Variants in NDST3 observed in about 807,000 individuals in gnomAD.
The protein encoded by NDST3 is bifunctional heparan sulfate N-deacetylase/N-sulfotransferase 3.
Under a neutral mutation model 96.1 loss-of-function variants are expected in NDST3, and 58 were observed. The observed-to-expected ratio is 0.60, with a 90% CI of 0.49 to 0.75. The LOEUF is 0.75. NDST3 is among the 30% of genes least tolerant of loss of function. The pLI is 0.00. For missense variants in NDST3, 788 were observed against 1,034.2 expected, an observed-to-expected ratio of 0.76 and a Z score of 3.27; for synonymous variants, 333 against 359.7, an observed-to-expected ratio of 0.93 and a Z score of 0.84.
At chr4:118,100,940 T>A (rs1177377621) in intron 2 of NDST3, among the ~76,000 whole-genome samples, 1 of 152,188 alleles carries the variant, frequency 6.6e-6, no homozygotes, top group Non-Finnish European at 1.5e-5. Flanking sequence ...GCTGCTTAAT[T>A]GATTTCATTT....
chr4:118,136,044 C>T (rs942889709), intron 4 of NDST3, among the ~76,000 whole-genome samples: 4 of 152,314 alleles, frequency 2.6e-5, no homozygotes, highest in African/African-American at 9.6e-5. Context: ...GTTCTGAAGA[C>T]ACAGCTGACT....
rs1737814877 is a variant in NDST3 at position 118,198,042 on chromosome 4, C to A, written c.1540-26449C>A. ...CTTGATCTCTTGACCAAGTGATATG[C>A]CCACCTCAGCCTCCCAAAGTGCTGG... On this transcript the variant is annotated intron_variant, in intron 6 of 13. Transcript: ENST00000296499. Among the ~76,000 whole-genome samples, 3 of 152,008 alleles carry A rather than the reference C, an allele frequency of 2.0e-5. No individual in the cohort carries two copies. In the South Asian group the frequency reaches 6.2e-4, roughly 32 times the overall value.
intron 4 of NDST3, among the ~76,000 whole-genome samples, chr4:118,132,946 G>A (rs1407891637): frequency 1.3e-5 from 2 of 152,140 alleles, no homozygotes; most frequent in African/African-American, 2.4e-5. Context: ...GCAAGACAAC[G>A]TCCTCTTTAC....
intron 9 of NDST3, among the ~76,000 whole-genome samples, chr4:118,233,677 T>C (rs920106341): frequency 6.6e-6 from 1 of 152,106 alleles, no homozygotes; most frequent in Non-Finnish European, 1.5e-5. Flanking sequence ...ATATCAACCA[T>C]CTGAACAAAC....
chr4:118,127,371 T>C (rs994298315), intron 4 of NDST3, among the ~76,000 whole-genome samples: 9 of 152,086 alleles, frequency 5.9e-5, no homozygotes, highest in Non-Finnish European at 1.2e-4. Context: ...TTTTTGTATA[T>C]GGTGATAGAC....
intron 12 of NDST3, among the ~76,000 whole-genome samples, chr4:118,251,909 T>C (rs532306562): frequency 6.6e-6 from 1 of 152,326 alleles, no homozygotes; most frequent in East Asian, 1.9e-4. Context: ...AAGTATCTAG[T>C]CTTCTGATTT....
At chr4:118,179,909 C>T (rs542408766) in intron 6 of NDST3, among the ~76,000 whole-genome samples, 3 of 152,080 alleles carry the variant, frequency 2.0e-5, no homozygotes, top group Non-Finnish European at 2.9e-5. Context: ...TTAACCCCTG[C>T]CCTCATCCTA....
intron 10 of NDST3, 87 bp from the exon 11 acceptor site, chr4:118,240,437 T>C (rs2126006044): frequency 3.4e-6 from 4 of 1,162,194 alleles, no homozygotes; most frequent in Non-Finnish European, 3.5e-6. Flanking sequence ...CTTCTTTCTT[T>C]AGCTTTGAGA....
At chr4:118,240,195 A>G (rs1479648293) in intron 10 of NDST3, among the ~76,000 whole-genome samples, 3 of 152,164 alleles carry the variant, frequency 2.0e-5, no homozygotes, top group Non-Finnish European at 2.9e-5. Flanking sequence ...TGAGCTGGAA[A>G]GAGGGCATTA....
At chr4:118,083,899 T>A (rs1445397640) in intron 2 of NDST3, among the ~76,000 whole-genome samples, 1 of 152,158 alleles carries the variant, frequency 6.6e-6, no homozygotes, top group East Asian at 1.9e-4. Flanking sequence ...TCCTCAACAA[T>A]CTTTCTATCT....
chr4:118,061,775 T>A (rs1300091195), intron 2 of NDST3, among the ~76,000 whole-genome samples: 1 of 152,154 alleles, frequency 6.6e-6, no homozygotes. Flanking sequence ...CTGAAGTATA[T>A]CCTTTAGACA....
intron 2 of NDST3, among the ~76,000 whole-genome samples, chr4:118,056,460 A>G (rs1436497251): frequency 1.3e-5 from 2 of 151,978 alleles, no homozygotes; most frequent in Non-Finnish European, 2.9e-5. Flanking sequence ...TATATTTTCT[A>G]AACTAACTAA....
chr4:118,244,798 A>G (rs1741211892), intron 12 of NDST3, among the ~76,000 whole-genome samples: 1 of 152,202 alleles, frequency 6.6e-6, no homozygotes, highest in African/African-American at 2.4e-5. Context: ...AAAGCGTTCA[A>G]GACTTTTAAA....
chr4:118,204,193 C>A (rs1738285583), intron 6 of NDST3, among the ~76,000 whole-genome samples: 1 of 152,086 alleles, frequency 6.6e-6, no homozygotes, highest in Non-Finnish European at 1.5e-5. Context: ...GAGCAATGGA[C>A]ACAATGGGCC....
chr4:118,135,582 G>A (rs1394886771), intron 4 of NDST3, among the ~76,000 whole-genome samples: 2 of 152,122 alleles, frequency 1.3e-5, no homozygotes, highest in South Asian at 2.1e-4. Flanking sequence ...TAGAGAACAG[G>A]AAACAAGGCT....
rs769420534 is a variant in NDST3 at position 118,253,590 on chromosome 4, A to T, written c.2491A>T (p.Met831Leu). 3 of 1,606,080 alleles carry T rather than the reference A, an allele frequency of 1.9e-6. No individual in the cohort carries two copies. Among genetic ancestry groups the T allele is most frequent in the Admixed American group, 3.3e-5 (2 of 59,866 alleles). ...GKSKGRKYPP[M>L]DSDSRTFLSS... ...GAGCAAAGGAAGAAAATACCCTCCA[A>T]TGGATTCTGATGTAAGCATAGACCT... The change falls in exon 13 of 14, where the codon ATG (methionine) becomes TTG (leucine). Residue 831 changes from methionine to leucine, a missense_variant. Met to Leu is a conservative substitution (Grantham distance 15). Around this residue, in one of 3 missense-constraint regions of NDST3, gnomAD observed 64 missense variants for 68.5 expected, o/e 0.93. Transcript: ENST00000296499.
Position 118,256,362 on chromosome 4 carries a change from T to C in NDST3, c.*650T>C, listed in dbSNP as rs956910203. 6.6e-6 allele frequency: 1 copy of C among 152,190 alleles called. No homozygotes were observed. Among genetic ancestry groups the C allele is most frequent in the Non-Finnish European group, 1.5e-5 (1 of 68,040 alleles). 9.4% of individuals were successfully genotyped at this position (152,190 alleles called of 1,614,324 possible). A position where few individuals can be genotyped will look rare whatever the true frequency, so the allele number is the denominator to read the frequency against. ...TTTCATATACATAGTCTAGTGAATATATGTAAAAATTACTAACTCTTCCAT... is the reference window on the plus strand; with the variant it reads ...TTTCATATACATAGTCTAGTGAATACATGTAAAAATTACTAACTCTTCCAT... On this transcript the variant is annotated 3_prime_UTR_variant, in exon 14 of 14. Coordinates refer to ENST00000296499, the MANE Select transcript of NDST3 (RefSeq NM_004784.3).
At chr4:118,157,040 C>T (rs1455788256) in intron 6 of NDST3, among the ~76,000 whole-genome samples, 2 of 151,980 alleles carry the variant, frequency 1.3e-5, no homozygotes, top group Non-Finnish European at 2.9e-5. Context: ...ATTATTTGTA[C>T]ATCAAATAGT....
chr4:118,180,088 T>C (rs1736513392), intron 6 of NDST3, among the ~76,000 whole-genome samples: 1 of 151,892 alleles, frequency 6.6e-6, no homozygotes, highest in African/African-American at 2.4e-5. Flanking sequence ...GACAAAGAAA[T>C]AGGGTTTGTT....
Sources: gnomAD v4.1 joint callset for allele counts (sites outside exome capture counted in the v4.1 genomes callset) on GRCh38, gnomAD v4.1.1 for gene constraint, gnomAD v4.1.1 regional missense constraint, MANE v1.5 for transcripts, NCBI Gene and HGNC (gene_info 2026-07-23, HGNC 2026-07-21) for gene names.